The following STPG2 variants were observed in gnomAD, a reference collection of about 807,000 sequenced individuals.
The protein encoded by STPG2 is sperm-tail PG-rich repeat-containing protein 2.
In STPG2, 56 loss-of-function variants were observed where a neutral mutation model predicts 54.2. The observed-to-expected ratio is 1.03, with a 90% confidence interval of 0.83 to 1.29. The LOEUF (loss-of-function observed/expected upper bound fraction) is 1.29. Among genes scored for constraint, STPG2 ranks in the 50% most tolerant of loss-of-function variants. The pLI is 0.00. For missense variants in STPG2, 596 were observed against 544.9 expected, an observed-to-expected ratio of 1.09 and a Z score of -0.93; for synonymous variants, 200 against 181.8, an observed-to-expected ratio of 1.10 and a Z score of -0.81.
chr4:97,715,938 C>A (rs1414816524), intron 9 of STPG2, among the ~76,000 whole-genome samples: 1 of 152,172 alleles, frequency 6.6e-6, no homozygotes, highest in Non-Finnish European at 1.5e-5. Context: ...TTTTTGCAAT[C>A]TACCCATCTG....
chr4:97,812,422 C>G (rs1255040028), intron 9 of STPG2, among the ~76,000 whole-genome samples: 1 of 152,100 alleles, frequency 6.6e-6, no homozygotes, highest in Non-Finnish European at 1.5e-5. Context: ...CATTTATAAC[C>G]TGTTCCACAT....
intron 9 of STPG2, among the ~76,000 whole-genome samples, chr4:97,741,627 T>C (rs952078048): frequency 1.8e-4 from 28 of 152,334 alleles, no homozygotes; most frequent in Middle Eastern, 3.4e-3. Context: ...TCACCATCAC[T>C]GGCCATCAGA....
At chr4:97,822,103 A>G (rs1326731861) in intron 9 of STPG2, among the ~76,000 whole-genome samples, 1 of 152,140 alleles carries the variant, frequency 6.6e-6, no homozygotes, top group African/African-American at 2.4e-5. Context: ...TTTAAATGTA[A>G]ATTCAAATTA....
chr4:97,659,735 G>C (rs1025173835), intron 10 of STPG2, among the ~76,000 whole-genome samples: 6 of 152,148 alleles, frequency 3.9e-5, no homozygotes, highest in Admixed American at 1.3e-4. Context: ...TGTGAGATTG[G>C]ACATAACTCC....
chr4:97,774,201 C>A (rs1463119662), intron 9 of STPG2, among the ~76,000 whole-genome samples: 1 of 152,090 alleles, frequency 6.6e-6, no homozygotes, highest in African/African-American at 2.4e-5. Flanking sequence ...GTAATTGTAA[C>A]TTATTCTTGG....
At chr4:97,593,077 C>T (rs1324250791) in intron 10 of STPG2, among the ~76,000 whole-genome samples, 3 of 152,144 alleles carry the variant, frequency 2.0e-5, no homozygotes, top group Non-Finnish European at 4.4e-5. Context: ...TGTTTGCTGG[C>T]CTTCCCCAGG....
chr4:97,951,185 T>C (rs776975781), intron 7 of STPG2, among the ~76,000 whole-genome samples: 1 of 152,160 alleles, frequency 6.6e-6, no homozygotes, highest in South Asian at 2.1e-4. Context: ...CACCAAATTG[T>C]CCTTAAAATC....
chr4:98,066,239 A>C (rs1299296413), intron 5 of STPG2, among the ~76,000 whole-genome samples: 2 of 152,332 alleles, frequency 1.3e-5, no homozygotes, highest in African/African-American at 4.8e-5. Flanking sequence ...TATGGGATAT[A>C]GTATGTATTA....
intron 4 of STPG2, among the ~76,000 whole-genome samples, chr4:97,551,516 T>C (rs1731965958): frequency 6.6e-6 from 1 of 152,344 alleles, no homozygotes; most frequent in Admixed American, 6.5e-5. Context: ...CCATTTCTGA[T>C]AGATTTTACT....
intron 10 of STPG2, among the ~76,000 whole-genome samples, chr4:97,646,832 C>G (rs964728754): frequency 6.6e-6 from 1 of 152,044 alleles, no homozygotes; most frequent in African/African-American, 2.4e-5. Context: ...CTAAGTAATG[C>G]CTCTGTCTAG....
intron 10 of STPG2, chr4:97,572,538 A>T (rs1159419674): frequency 2.0e-5 from 3 of 152,184 alleles, no homozygotes; most frequent in Non-Finnish European, 4.4e-5. Context: ...ATGTTTATTT[A>T]TATTTGAAAA....
At chr4:97,923,740 C>T (rs1170121506) in intron 8 of STPG2, among the ~76,000 whole-genome samples, 2 of 152,168 alleles carry the variant, frequency 1.3e-5, no homozygotes, top group African/African-American at 4.8e-5. Flanking sequence ...TTTGTAAATG[C>T]ACCAATCAGC....
rs567031589 is a variant in STPG2 at position 98,062,117 on chromosome 4, T to C, written c.612+43836A>G. ...TACACCATGGAATACTATGCAGCCA[T>C]AAAAAAGAACAAGATCATGTCTTTT... On this transcript the variant is annotated intron_variant, in intron 5 of 10. Transcript: ENST00000295268. 1.3e-4 allele frequency among the ~76,000 whole-genome samples: 20 copies of C among 152,258 alleles called. No individual in the cohort carries two copies. In the South Asian group the frequency reaches 3.7e-3, roughly 28 times the overall value.
intron 9 of STPG2, among the ~76,000 whole-genome samples, chr4:97,782,610 C>T (rs553220787): frequency 2.6e-5 from 4 of 152,308 alleles, no homozygotes; most frequent in African/African-American, 9.6e-5. Context: ...AAAAAAGCGC[C>T]TGCATTGCCA....
rs929366549 is a variant in STPG2 at position 97,502,890 on chromosome 4, A to ATC, written c.462+209807_462+209808dup. ...CTTGCCCCTTACGCTGTGAATAGCAATCTCTCTCTCTCTCTCATTCACTCT... is the reference window on the plus strand; with the variant it reads ...CTTGCCCCTTACGCTGTGAATAGCAATCTCTCTCTCTCTCTCTCATTCACTCT... On this transcript the variant is annotated intron_variant, in intron 4 of 4. Transcript: ENST00000522676. Among the ~76,000 whole-genome samples, 9 of 150,850 alleles carry ATC rather than the reference A, an allele frequency of 6.0e-5. No homozygotes were observed. The South Asian group carries it at 6.3e-4, about 11-fold the overall frequency.
intron 5 of STPG2, among the ~76,000 whole-genome samples, chr4:98,010,929 T>C (rs1000243251): frequency 6.6e-6 from 1 of 152,166 alleles, no homozygotes; most frequent in Non-Finnish European, 1.5e-5. Context: ...TACCCCCACA[T>C]TTTATATTAT....
At chr4:97,590,620 C>T (rs1186514738) in intron 10 of STPG2, among the ~76,000 whole-genome samples, 1 of 136,350 alleles carries the variant, frequency 7.3e-6, no homozygotes, top group Non-Finnish European at 1.5e-5. Context: ...CTTTGGCCTA[C>T]ATACACACAG....
intron 10 of STPG2, among the ~76,000 whole-genome samples, chr4:97,588,737 GAT>G (rs2148896444): frequency 6.6e-6 from 1 of 152,094 alleles, no homozygotes; most frequent in Admixed American, 6.6e-5. Context: ...TTGTTTTACC[GAT>G]ATGATTATCA....
At chr4:97,947,257 T>C (rs767512580) in intron 7 of STPG2, among the ~76,000 whole-genome samples, 11 of 152,172 alleles carry the variant, frequency 7.2e-5, no homozygotes, top group Non-Finnish European at 1.3e-4. Context: ...CTGAATTTGA[T>C]TATCAAATCT....
Sources: allele counts gnomAD v4.1 joint callset (sites outside exome capture counted in the v4.1 genomes callset), GRCh38; gene constraint gnomAD v4.1.1; transcripts MANE v1.5; gene names NCBI Gene and HGNC (gene_info 2026-07-23, HGNC 2026-07-21).